The following PSD3 variants were observed in gnomAD, a reference collection of about 807,000 sequenced individuals.
PSD3 encodes the protein PH and SEC7 domain-containing protein 3.
PSD3 carries 49 observed loss-of-function variants against 105.5 expected under a neutral mutation model. The ratio of observed to expected loss-of-function variants is 0.46; its 90% CI spans 0.37 to 0.59. The LOEUF (loss-of-function observed/expected upper bound fraction) is 0.59, where lower values mean the gene tolerates loss of function less well. Among genes scored for constraint, PSD3 ranks in the 20% least tolerant of loss-of-function variants. The pLI, the probability that PSD3 is intolerant of heterozygous loss-of-function variation, is 0.00. For missense variants in PSD3, 1,561 were observed against 1,263.8 expected, an observed-to-expected ratio of 1.24 and a Z score of -3.57; for synonymous variants, 557 against 457.8, an observed-to-expected ratio of 1.22 and a Z score of -2.77.
chr8:18,764,328 A>C (rs1332628715), intron 9 of PSD3, among the ~76,000 whole-genome samples: 1 of 152,184 alleles, frequency 6.6e-6, no homozygotes, highest in Non-Finnish European at 1.5e-5. Context: ...ACAATCCTGC[A>C]CCATTTATCT....
chr8:18,620,342 G>GTTTT (rs57785765), intron 11 of PSD3, among the ~76,000 whole-genome samples: 7,896 of 121,460 alleles, frequency 0.065, 302 homozygotes, highest in African/African-American at 0.12. Flanking sequence ...TTGGGTTTGT[G>GTTTT]TTTTTTTTTT....
At chr8:18,622,559 T>C (rs944749921) in intron 11 of PSD3, among the ~76,000 whole-genome samples, 1 of 152,182 alleles carries the variant, frequency 6.6e-6, no homozygotes, top group Non-Finnish European at 1.5e-5. Context: ...ACATTATTAT[T>C]ATTTTAGTGA....
At chr8:18,622,847 T>C (rs1806211852) in intron 11 of PSD3, among the ~76,000 whole-genome samples, 1 of 152,186 alleles carries the variant, frequency 6.6e-6, no homozygotes, top group South Asian at 2.1e-4. Flanking sequence ...CTTAGTTCTA[T>C]CCAGTTTTAC....
At chr8:18,683,858 C>T in intron 9 of PSD3, 1 of 765,294 alleles carries the variant, frequency 1.3e-6, no homozygotes, top group Non-Finnish European at 2.4e-6. Flanking sequence ...TAGAATCCTC[C>T]CGGGAGTATT....
chr8:18,703,273 C>A (rs1160365943), intron 9 of PSD3, among the ~76,000 whole-genome samples: 1 of 152,152 alleles, frequency 6.6e-6, no homozygotes, highest in East Asian at 1.9e-4. Context: ...CACACTGAAG[C>A]CGCTCAGGGA....
chr8:18,769,473 A>G (rs1807308071), intron 8 of PSD3, among the ~76,000 whole-genome samples: 1 of 152,222 alleles, frequency 6.6e-6, no homozygotes, highest in Non-Finnish European at 1.5e-5. Context: ...TAACTTTAAA[A>G]AAGTATCATC....
At chr8:18,887,415 G>A (rs1818512093) in intron 2 of PSD3, among the ~76,000 whole-genome samples, 1 of 152,096 alleles carries the variant, frequency 6.6e-6, no homozygotes, top group Non-Finnish European at 1.5e-5. Flanking sequence ...CTCAAAACCA[G>A]TAACATCCAT....
chr8:18,540,043 T>A (rs899729947), intron 15 of PSD3, among the ~76,000 whole-genome samples: 2 of 152,040 alleles, frequency 1.3e-5, no homozygotes, highest in African/African-American at 4.8e-5. Flanking sequence ...CCCAGCCCCA[T>A]GAGAGGAATT....
rs543258892 is a variant in PSD3, at chr8:18,869,040, T to C, written c.1239-971A>G. ...CTGGAATCCACATTCAGCATTGCAA[T>C]TGGTTTGTTGTTTTTAAATACTGAA... is the stretch of plus-strand genomic sequence containing the variant. On this transcript the variant is annotated intron_variant, in intron 3 of 15. Transcript: ENST00000327040. Among the ~76,000 whole-genome samples, 19 of 152,166 alleles carry C rather than the reference T, an allele frequency of 1.2e-4. 1 individual carries two copies. The highest frequency in any genetic ancestry group is 3.4e-3 in the Middle Eastern group (1 of 294).
chr8:18,737,461 C>A (rs941834229), intron 9 of PSD3, among the ~76,000 whole-genome samples: 11 of 151,998 alleles, frequency 7.2e-5, no homozygotes, highest in Non-Finnish European at 1.3e-4. Context: ...AGAGGTGGGA[C>A]TTACTTTTTT....
intron 1 of PSD3, among the ~76,000 whole-genome samples, chr8:19,037,584 C>T (rs1046373445): frequency 2.2e-4 from 34 of 152,222 alleles, no homozygotes; most frequent in African/African-American, 8.2e-4. Context: ...AAATCATCCT[C>T]ACCAATATGA....
intron 1 of PSD3, among the ~76,000 whole-genome samples, chr8:18,953,620 G>T (rs1823381371): frequency 6.6e-6 from 1 of 151,996 alleles, no homozygotes; most frequent in Non-Finnish European, 1.5e-5. Flanking sequence ...GTGGTGGCAG[G>T]CATCTGTAAT....
At chr8:19,074,611 A>ATTTT (rs1206111403) in intron 1 of PSD3, among the ~76,000 whole-genome samples, 49 of 24,204 alleles carry the variant, frequency 2.0e-3, no homozygotes, top group Admixed American at 0.012. Context: ...ATATATATAT[A>ATTTT]TTTTTTTTTT....
At chr8:18,950,727 T>C (rs561704262) in intron 1 of PSD3, among the ~76,000 whole-genome samples, 3 of 152,284 alleles carry the variant, frequency 2.0e-5, no homozygotes, top group African/African-American at 7.2e-5. Context: ...TTATAATTCA[T>C]ATATTTATAT....
intron 4 of PSD3, among the ~76,000 whole-genome samples, chr8:18,819,985 T>C (rs961957682): frequency 7.2e-5 from 11 of 152,224 alleles, no homozygotes; most frequent in Non-Finnish European, 1.5e-4. Flanking sequence ...TTAATCTTGA[T>C]TTAATTGATG....
At chr8:19,038,487 G>C (rs1828018755) in intron 1 of PSD3, among the ~76,000 whole-genome samples, 1 of 152,048 alleles carries the variant, frequency 6.6e-6, no homozygotes, top group Non-Finnish European at 1.5e-5. Flanking sequence ...GTTTATTTAA[G>C]ACAGGGTCTC....
At chr8:18,704,857 T>C (rs1230246623) in intron 9 of PSD3, among the ~76,000 whole-genome samples, 1 of 151,982 alleles carries the variant, frequency 6.6e-6, no homozygotes, top group Non-Finnish European at 1.5e-5. Flanking sequence ...GTAATAATAA[T>C]GTTTAAAAAA....
Position 18,572,521 on chromosome 8 carries a change from TG to T in PSD3, c.2784+6del. The T allele has an allele frequency of 6.2e-7, 1 of 1,613,334 alleles. No homozygotes were observed. Among genetic ancestry groups the T allele is most frequent in the Middle Eastern group, 1.7e-4 (1 of 6,054 alleles). On this transcript the variant is annotated splice_donor_region_variant and intron_variant, in intron 14 of 15. Coordinates refer to ENST00000327040, the MANE Select transcript of PSD3 (RefSeq NM_015310.4). ...TCCCAAGGTCAAAGCACTATCAAGA[TG>T]ATTACCTGAGACAGTTTTGTTGTAG...
intron 1 of PSD3, among the ~76,000 whole-genome samples, chr8:19,005,745 TC>T: frequency 6.6e-6 from 1 of 151,930 alleles, no homozygotes; most frequent in Non-Finnish European, 1.5e-5. Context: ...TACCTTGGCT[TC>T]CCAAAGTGCT....
Sources: gnomAD v4.1 joint callset for allele counts (sites outside exome capture counted in the v4.1 genomes callset) on GRCh38, gnomAD v4.1.1 for gene constraint, MANE v1.5 for transcripts, NCBI Gene and HGNC (gene_info 2026-07-23, HGNC 2026-07-21) for gene names.